ANOS1: variants seen among roughly 807,000 people sequenced by gnomAD.
The protein encoded by ANOS1 is anosmin 1, also known as anosmin-1.
Under a neutral mutation model 59.0 loss-of-function variants are expected in ANOS1, and 6 were observed. The ratio of observed to expected loss-of-function variants is 0.10; its 90% CI spans 0.06 to 0.20. ANOS1 has a LOEUF of 0.20. ANOS1 is among the 10% of genes least tolerant of loss of function. The pLI is 1.00. For synonymous variants in ANOS1, 217 were observed against 223.4 expected (o/e 0.97, Z 0.25); for missense variants, 433 against 542.3 (o/e 0.80, Z 2.00).
chrX:8,602,751 T>TATG (rs1431858225), intron 3 of ANOS1, among the ~76,000 whole-genome samples: 2 of 110,574 alleles, frequency 1.8e-5, no homozygotes, highest in Non-Finnish European at 3.8e-5. Context: ...TTATTATTAT[T>TATG]ATTATTTTGA....
intron 1 of ANOS1, among the ~76,000 whole-genome samples, chrX:8,728,750 G>C (rs1932942649): frequency 8.9e-6 from 1 of 112,311 alleles, no homozygotes; most frequent in Non-Finnish European, 1.9e-5. Context: ...GTAGTGAAAT[G>C]ATGGGGTTTC....
intron 11 of ANOS1, among the ~76,000 whole-genome samples, chrX:8,536,210 TTTTTTTAA>T (rs1226225308): frequency 2.7e-5 from 2 of 74,832 alleles, no homozygotes; most frequent in African/African-American, 1.3e-4. Flanking sequence ...TTTTTTTTTT[TTTTTTTAA>T]AAGGTGAGAT....
intron 2 of ANOS1, among the ~76,000 whole-genome samples, chrX:8,668,430 T>C (rs192523066): frequency 0.41 from 32,858 of 80,144 alleles, 5,491 homozygotes; most frequent in East Asian, 0.63. Flanking sequence ...TATATATATA[T>C]ACACACACAT....
chrX:8,608,069 T>G lies in ANOS1; in HGVS notation c.319-10813A>C, dbSNP rs373660661. ...AATACAGCCTGTCCCCTTCAGAGCT[T>G]GACAAATACACAAGCAAGATAACTG... On this transcript the variant is annotated intron_variant, in intron 3 of 13. Coordinates refer to ENST00000262648, the MANE Select transcript of ANOS1 (RefSeq NM_000216.4). Among the ~76,000 whole-genome samples the G allele has an allele frequency of 3.6e-5, 4 of 111,788 alleles. No individual in the cohort carries two copies. In the East Asian group the frequency reaches 8.5e-4, roughly 24 times the overall value.
rs780862212 is a variant in ANOS1 at position 8,573,073 on chromosome X, T to A, written c.857-2369A>T. 7.7e-5 allele frequency among the ~76,000 whole-genome samples: 8 copies of A among 104,083 alleles called. No homozygotes were observed. In the East Asian group the frequency reaches 2.4e-3, roughly 31 times the overall value. The allele number at this position is 104,083 out of a possible 115,157, so 90.4% of individuals were successfully genotyped here. On this transcript the variant is annotated intron_variant, in intron 6 of 13. Coordinates refer to ENST00000262648, the MANE Select transcript of ANOS1 (RefSeq NM_000216.4). ...TCTACTGGATTTTTTTTTTTTTTTT[T>A]TTTTGAGACAGAGTCTCACCCTGTC...
intron 3 of ANOS1, among the ~76,000 whole-genome samples, chrX:8,615,420 G>A (rs1434182541): frequency 9.2e-6 from 1 of 108,633 alleles, no homozygotes; most frequent in Non-Finnish European, 1.9e-5. Context: ...GCAGGTGCCT[G>A]TAATCCCAGC....
chrX:8,544,586 CTT>C (rs1334176569), intron 9 of ANOS1, among the ~76,000 whole-genome samples: 1 of 106,902 alleles, frequency 9.4e-6, no homozygotes, highest in Non-Finnish European at 1.9e-5. Context: ...TCTGAGCTAA[CTT>C]TTCACATTTA....
intron 2 of ANOS1, among the ~76,000 whole-genome samples, chrX:8,673,253 T>C (rs923771327): frequency 2.0e-4 from 22 of 108,810 alleles, no homozygotes; most frequent in African/African-American, 6.7e-4. Flanking sequence ...TAATTTAATG[T>C]AGCTTTTAAA....
chrX:8,676,169 C>T (rs1468967574), intron 2 of ANOS1, among the ~76,000 whole-genome samples: 1 of 111,223 alleles, frequency 9.0e-6, no homozygotes, highest in Middle Eastern at 4.2e-3. Context: ...ACCCAAATGG[C>T]CAACTAGCCA....
intron 11 of ANOS1, 92 bp from the exon 12 acceptor site, chrX:8,535,903 T>C: frequency 1.5e-6 from 1 of 677,308 alleles, no homozygotes; most frequent in Admixed American, 2.4e-5. Flanking sequence ...GGCCAGTCTA[T>C]GGGATGATAT....
At chrX:8,534,527 G>C in intron 12 of ANOS1, 67 bp from the exon 13 acceptor site, 1 of 1,110,152 alleles carries the variant, frequency 9.0e-7, no homozygotes, top group Non-Finnish European at 1.2e-6. Flanking sequence ...AATGCACAGA[G>C]AGCCTAGAAC....
At chrX:8,601,371 T>C (rs912975371) in intron 3 of ANOS1, among the ~76,000 whole-genome samples, 4 of 111,118 alleles carry the variant, frequency 3.6e-5, no homozygotes, top group Admixed American at 1.9e-4. Flanking sequence ...GTTTGGATCC[T>C]GTATTCGTAT....
chrX:8,575,648 AT>A (rs1347304002), intron 6 of ANOS1, among the ~76,000 whole-genome samples: 9 of 112,224 alleles, frequency 8.0e-5, no homozygotes, highest in African/African-American at 2.9e-4. Context: ...TGAAAACAAC[AT>A]TTGAGAAAAC....
At chrX:8,712,798 T>A in intron 1 of ANOS1, among the ~76,000 whole-genome samples, 1 of 112,428 alleles carries the variant, frequency 8.9e-6, no homozygotes, top group East Asian at 2.8e-4. Context: ...TTGGTGAAAA[T>A]TGATTGCTTG....
chrX:8,556,009 C>A (rs1929943382), intron 8 of ANOS1, among the ~76,000 whole-genome samples: 1 of 112,410 alleles, frequency 8.9e-6, no homozygotes, highest in Non-Finnish European at 1.9e-5. Flanking sequence ...ATCAAGTTGG[C>A]TTCATCCCTG....
At chrX:8,550,902 C>G in intron 9 of ANOS1, among the ~76,000 whole-genome samples, 1 of 111,569 alleles carries the variant, frequency 9.0e-6, no homozygotes, top group Non-Finnish European at 1.9e-5. Flanking sequence ...TTGTAGCTCC[C>G]ATAATCCCCA....
intron 2 of ANOS1, among the ~76,000 whole-genome samples, chrX:8,648,615 T>C (rs1931800435): frequency 8.9e-6 from 1 of 111,822 alleles, no homozygotes; most frequent in Admixed American, 9.6e-5. Flanking sequence ...ATTTAAAAAT[T>C]GCTGTATCTA....
chrX:8,723,404 C>T (rs1334063125), intron 1 of ANOS1, among the ~76,000 whole-genome samples: 2 of 111,912 alleles, frequency 1.8e-5, no homozygotes, highest in Non-Finnish European at 3.8e-5. Context: ...AGGCTAAGGA[C>T]ATAAATAAAC....
At chrX:8,644,592 C>T (rs1931721732) in intron 2 of ANOS1, among the ~76,000 whole-genome samples, 1 of 112,011 alleles carries the variant, frequency 8.9e-6, no homozygotes, top group Non-Finnish European at 1.9e-5. Context: ...AATCGCCTTC[C>T]CTTATTAGTT....
Sources: gnomAD v4.1 joint callset for allele counts (sites outside exome capture counted in the v4.1 genomes callset) on GRCh38, gnomAD v4.1.1 for gene constraint, MANE v1.5 for transcripts, NCBI Gene and HGNC (gene_info 2026-07-23, HGNC 2026-07-21) for gene names.